The following BCKDHB variants were observed in gnomAD, a reference collection of about 807,000 sequenced individuals.
BCKDHB encodes the protein branched chain keto acid dehydrogenase E1 subunit beta.
Under a neutral mutation model 48.5 loss-of-function variants are expected in BCKDHB, and 41 were observed. The ratio of observed to expected loss-of-function variants is 0.85; its 90% CI spans 0.66 to 1.10. BCKDHB has a LOEUF of 1.10. Ranked by LOEUF, BCKDHB falls within the 50% of genes least tolerant of loss-of-function variation. BCKDHB has a pLI of 0.00. For synonymous variants in BCKDHB, 201 were observed against 174.8 expected, an observed-to-expected ratio of 1.15 and a Z score of -1.18; for missense variants, 496 against 494.2, an observed-to-expected ratio of 1.00 and a Z score of -0.03.
intron 9 of BCKDHB, chr6:80,307,578 C>G (rs1767942875): frequency 2.0e-6 from 2 of 984,700 alleles, no homozygotes; most frequent in African/African-American, 1.7e-5. Flanking sequence ...AAAAAATCTT[C>G]TAGTGAAAAA....
intron 3 of BCKDHB, among the ~76,000 whole-genome samples, chr6:80,147,153 A>G (rs1244933698): frequency 1.3e-5 from 2 of 152,152 alleles, no homozygotes; most frequent in African/African-American, 4.8e-5. Context: ...AATCCTGTAA[A>G]GTTAGTTCTA....
At chr6:80,152,171 TA>T (rs1330601104) in intron 3 of BCKDHB, among the ~76,000 whole-genome samples, 1 of 149,110 alleles carries the variant, frequency 6.7e-6, no homozygotes, top group Admixed American at 6.8e-5. Context: ...TTTTTTTTTT[TA>T]ATCTGTTTAT....
intron 8 of BCKDHB, among the ~76,000 whole-genome samples, chr6:80,218,238 G>A (rs139380739): frequency 3.5e-4 from 54 of 152,176 alleles, no homozygotes; most frequent in African/African-American, 1.2e-3. Flanking sequence ...AGGTTTTGTC[G>A]GTGGAGCCTG....
chr6:80,172,709 C>A (rs1772976150), intron 6 of BCKDHB, among the ~76,000 whole-genome samples: 1 of 152,080 alleles, frequency 6.6e-6, no homozygotes, highest in South Asian at 2.1e-4. Context: ...ACAATTAATT[C>A]ATGGCCCATG....
chr6:80,206,963 T>A (rs1032405674), intron 8 of BCKDHB, among the ~76,000 whole-genome samples: 1 of 152,066 alleles, frequency 6.6e-6, no homozygotes, highest in Non-Finnish European at 1.5e-5. Context: ...CTGACTGTGC[T>A]AGCCTACAAT....
chr6:80,412,852 T>C, the BCKDHB span, among the ~76,000 whole-genome samples: 1 of 152,226 alleles, frequency 6.6e-6, no homozygotes, highest in Admixed American at 6.5e-5. Context: ...AACTTTCTCC[T>C]GACCTGCAGG....
At chr6:80,416,245 G>GTT in the BCKDHB span, among the ~76,000 whole-genome samples, 294 of 139,428 alleles carry the variant, frequency 2.1e-3, 3 homozygotes, top group African/African-American at 7.3e-3. Context: ...TTTTGAATAG[G>GTT]TTTTTTTTTT....
the BCKDHB span, among the ~76,000 whole-genome samples, chr6:80,414,381 G>C: frequency 6.6e-6 from 1 of 152,092 alleles, no homozygotes; most frequent in Non-Finnish European, 1.5e-5. Context: ...CCTATTTCCA[G>C]GATGGTATTT....
chr6:80,346,212 A>G lies in BCKDHB; in HGVS notation c.*2408A>G, dbSNP rs182562586. ...CATGGTAATCTTATAAATTCTGTTT[A>G]ATTACATCTGTAAATATTATGTGTG... On this transcript the variant is annotated 3_prime_UTR_variant, in exon 10 of 10. Transcript: ENST00000320393. 6.6e-6 allele frequency: 1 copy of G among 152,338 alleles called. No homozygotes were observed. The highest frequency in any genetic ancestry group is 1.9e-4 in the East Asian group (1 of 5,186). 9.4% of individuals were successfully genotyped at this position (152,338 alleles called of 1,614,324 possible).
chr6:80,148,052 A>T (rs1771574840), intron 3 of BCKDHB, among the ~76,000 whole-genome samples: 1 of 152,218 alleles, frequency 6.6e-6, no homozygotes, highest in African/African-American at 2.4e-5. Context: ...AAGTAGGGTC[A>T]GACATAGATT....
At chr6:80,278,641 C>T (rs1778064521) in intron 9 of BCKDHB, among the ~76,000 whole-genome samples, 1 of 152,098 alleles carries the variant, frequency 6.6e-6, no homozygotes, top group Non-Finnish European at 1.5e-5. Flanking sequence ...CTCACTGCAA[C>T]CTCCGCCTGC....
chr6:80,451,298 A>C, the BCKDHB span, among the ~76,000 whole-genome samples: 1,471 of 152,260 alleles, frequency 9.7e-3, 16 homozygotes, highest in African/African-American at 0.034. Context: ...TTTTACTGGA[A>C]CTTTTATAAG....
At chr6:80,145,219 C>T (rs995449533) in intron 3 of BCKDHB, among the ~76,000 whole-genome samples, 2 of 152,156 alleles carry the variant, frequency 1.3e-5, no homozygotes, top group Admixed American at 1.3e-4. Context: ...CTTGTGGAGG[C>T]TTTAGCAGTT....
intron 1 of BCKDHB, among the ~76,000 whole-genome samples, chr6:80,121,134 T>G (rs1769994189): frequency 6.6e-6 from 1 of 152,142 alleles, no homozygotes; most frequent in African/African-American, 2.4e-5. Flanking sequence ...TTTCCCCATT[T>G]CTTATTTTTG....
Position 80,171,530 on chromosome 6 carries a change from G to C in BCKDHB, c.742+140G>C. ...AGAATCTTGATTTTTTTGGTATTTA[G>C]TTTGTCCTCAGGTGTAAATTTTATG... is the stretch of plus-strand genomic sequence containing the variant. On this transcript the variant is annotated intron_variant, in intron 6 of 9. Transcript: ENST00000320393. 22 of 587,220 alleles carry C rather than the reference G, an allele frequency of 3.7e-5. No homozygotes were observed. In the South Asian group the frequency reaches 5.4e-4, roughly 14 times the overall value. 36.4% of individuals were successfully genotyped at this position (587,220 alleles called of 1,614,324 possible).
At chr6:80,279,556 T>C (rs1265279190) in intron 9 of BCKDHB, among the ~76,000 whole-genome samples, 9 of 152,012 alleles carry the variant, frequency 5.9e-5, no homozygotes, top group African/African-American at 1.7e-4. Flanking sequence ...ATTGTCTGTT[T>C]GAAAGCATCC....
At chr6:80,169,734 GT>G (rs915179630) in intron 5 of BCKDHB, 12 of 1,409,776 alleles carry the variant, frequency 8.5e-6, no homozygotes, top group South Asian at 5.2e-5. Context: ...ATGTATATTT[GT>G]TTTTTGACCA....
At chr6:80,190,788 TAA>T (rs1773857374) in intron 6 of BCKDHB, among the ~76,000 whole-genome samples, 1 of 152,190 alleles carries the variant, frequency 6.6e-6, no homozygotes, top group African/African-American at 2.4e-5. Context: ...TGGAAGCAAG[TAA>T]ACTGTATTTT....
At chr6:80,417,773 C>T in the BCKDHB span, among the ~76,000 whole-genome samples, 3 of 151,606 alleles carry the variant, frequency 2.0e-5, no homozygotes, top group Non-Finnish European at 4.4e-5. Context: ...ACATTTTTTT[C>T]TTTATTTCAA....
Sources: allele counts gnomAD v4.1 joint callset (sites outside exome capture counted in the v4.1 genomes callset), GRCh38; gene constraint gnomAD v4.1.1; transcripts MANE v1.5; gene names NCBI Gene and HGNC (gene_info 2026-07-23, HGNC 2026-07-21).